The following PHLDA2 variants were observed in gnomAD, a reference collection of about 807,000 sequenced individuals.
The protein encoded by PHLDA2 is pleckstrin homology-like domain family A member 2.
PHLDA2 carries 5 observed loss-of-function variants against 5.9 expected under a neutral mutation model. That is an observed-to-expected ratio of 0.85 (90% CI 0.44 to 1.78). PHLDA2 has a LOEUF of 1.78. Ranked by LOEUF, PHLDA2 falls within the 40% of genes most tolerant of loss-of-function variation. PHLDA2 has a pLI of 0.02. For synonymous variants in PHLDA2, 111 were observed against 102.7 expected, an observed-to-expected ratio of 1.08 and a Z score of -0.49; for missense variants, 216 against 228.3, an observed-to-expected ratio of 0.95 and a Z score of 0.35.
chr11:2,928,854 T>G, intron 1 of PHLDA2, 42 bp downstream of exon 1: 3 of 1,274,450 alleles, frequency 2.4e-6, no homozygotes, highest in Non-Finnish European at 3.0e-6. Flanking sequence ...CGGTCCCGGC[T>G]GTTAGGGCGC....
chr11:2,929,307 G>T lies in PHLDA2; in HGVS notation c.58C>A (p.Leu20Ile). The change falls in exon 1 of 2, where the codon CTC becomes ATC. Residue 20 changes from leucine (L) to isoleucine (I), a missense_variant. By Grantham distance (5) the Leu-to-Ile change is conservative. Coordinates refer to ENST00000314222, the MANE Select transcript of PHLDA2 (RefSeq NM_003311.4). The surrounding 1 kb of genome is among the most constrained non-coding windows in gnomAD (Gnocchi z 8.3). ...EGELEKRSDSLFQLWKKKRGV... is the reference protein window; with the variant it reads ...EGELEKRSDSIFQLWKKKRGV... ...CGCTTCTTCTTCCATAGCTGGAAGA[G>T]GCTGTCGCTGCGCTTCTCCAACTCG... The T allele has an allele frequency of 9.3e-6, 15 of 1,609,958 alleles. No individual in the cohort carries two copies. Among genetic ancestry groups the T allele is most frequent in the Non-Finnish European group, 1.2e-5 (14 of 1,178,994 alleles).
At position 2,929,350 on chromosome 11, in the gene PHLDA2, G is replaced by A. The variant is rs1427889475; in HGVS notation, c.15C>T (p.Asp5=). 1 of 1,606,024 alleles carries A rather than the reference G, an allele frequency of 6.2e-7. No homozygotes were observed. Among genetic ancestry groups the A allele is most frequent in the Middle Eastern group, 1.7e-4 (1 of 5,976 alleles). The change falls in exon 1 of 2, where the codon GAC becomes GAT. Residue 5 remains aspartate (D), a synonymous_variant. Coordinates refer to ENST00000314222, the MANE Select transcript of PHLDA2 (RefSeq NM_003311.4). The surrounding 1 kb of genome is among the most constrained non-coding windows in gnomAD (Gnocchi z 8.3). ...CCAACTCGCCCTCGCGTAGCACCTC[G>A]TCGGGGGATTTCATGTCGTGCCGAG... MKSP[D]EVLREGELEK...
Position 2,929,379 on chromosome 11 carries a change from G to A in PHLDA2, c.-15C>T, listed in dbSNP as rs746116745. ...GGGGATTTCATGTCGTGCCGAGCGC[G>A]GGACTGGGAGCGGCAATGCGGGCGG... On this transcript the variant is annotated 5_prime_UTR_variant, in exon 1 of 2. Transcript: ENST00000314222. The surrounding 1 kb of genome is among the most constrained non-coding windows in gnomAD (Gnocchi z 8.3). The A allele has an allele frequency of 1.9e-6, 3 of 1,584,360 alleles. No individual in the cohort carries two copies. The highest frequency in any genetic ancestry group is 1.1e-5 in the South Asian group (1 of 88,446).
chr11:2,929,169 T>G lies in PHLDA2; in HGVS notation c.196A>C (p.Lys66Gln), dbSNP rs1850480617. The G allele has an allele frequency of 6.2e-7, 1 of 1,612,950 alleles. No individual in the cohort carries two copies. Reference protein sequence around the residue: ...LKVDCVERTGKYVYFTIVTTD... With the variant: ...LKVDCVERTGQYVYFTIVTTD... ...GTGACGATGGTGAAGTACACGTACT[T>G]GCCCGTGCGCTCCACGCAGTCCACC... Residue 66 changes from lysine to glutamine, a missense_variant, in exon 1 of 2, where the codon AAG (lysine) becomes CAG (glutamine). By Grantham distance (53) the Lys-to-Gln change is moderately conservative (BLOSUM62 1). Coordinates refer to ENST00000314222, the MANE Select transcript of PHLDA2 (RefSeq NM_003311.4). This position sits in a 1 kb window ranked among gnomAD's most constrained non-coding sequence, Gnocchi z 8.3.
chr11:2,928,981 A>G lies in PHLDA2; in HGVS notation c.384T>C (p.Ala128=), dbSNP rs572493288. ...GCTCGGAGGGTGCGGCGGCCGCGGC[A>G]GCCACGGCGTCCTCGGCGGGTGCGG... ...APAAPAEDAV[A]AAAAAPSEPS... is the part of the protein sequence containing the mutation. Residue 128 remains alanine, a synonymous_variant, in exon 1 of 2, where the codon GCT becomes GCC. Transcript: ENST00000314222. 7.1e-6 allele frequency: 11 copies of G among 1,540,514 alleles called. No individual in the cohort carries two copies. The East Asian group carries it at 2.4e-4, about 34-fold the overall frequency.
At position 2,929,365 on chromosome 11, in the gene PHLDA2, G is replaced by C; in HGVS notation, c.-1C>G. The C allele has an allele frequency of 6.2e-7, 1 of 1,600,700 alleles. No homozygotes were observed. Among genetic ancestry groups the C allele is most frequent in the South Asian group, 1.1e-5 (1 of 89,664 alleles). The stretch of plus-strand genomic sequence containing the variant: ...GTAGCACCTCGTCGGGGGATTTCAT[G>C]TCGTGCCGAGCGCGGGACTGGGAGC... On this transcript the variant is annotated 5_prime_UTR_variant, in exon 1 of 2. Transcript: ENST00000314222. This position sits in a 1 kb window ranked among gnomAD's most constrained non-coding sequence, Gnocchi z 8.3.
chr11:2,929,002 T>A lies in PHLDA2; in HGVS notation c.363A>T (p.Ala121=). Residue 121 remains alanine, a synonymous_variant, in exon 1 of 2, where the codon GCA becomes GCT. Transcript: ENST00000314222. The surrounding 1 kb of genome is among the most constrained non-coding windows in gnomAD (Gnocchi z 8.3). ...RSRQERTAPA[A]PAEDAVAAAA... ...CGGCAGCCACGGCGTCCTCGGCGGG[T>A]GCGGCGGGTGCGGTGCGTTCCTGGC... is the stretch of plus-strand genomic sequence containing the variant. 1.3e-6 allele frequency: 2 copies of A among 1,485,642 alleles called. No individual in the cohort carries two copies. The highest frequency in any genetic ancestry group is 1.8e-6 in the Non-Finnish European group (2 of 1,123,984). The allele number at this position is 1,485,642 out of a possible 1,614,324, so 92.0% of individuals were successfully genotyped here. A position where few individuals can be genotyped will look rare whatever the true frequency, so the allele number is the denominator to read the frequency against.
intron 1 of PHLDA2, 22 bp from the exon 2 acceptor site, chr11:2,928,689 A>T: frequency 2.1e-6 from 1 of 475,148 alleles, no homozygotes; most frequent in Non-Finnish European, 3.6e-6. Context: ...GGACTGGGTC[A>T]GAGAGCTGTG....
In PHLDA2 at chr11:2,929,045, A is replaced by C. The variant is rs1001765868; in HGVS notation, c.320T>G (p.Leu107Arg). ...TTCCTGGCGGCTGCGAAAGTCCTGC[A>C]GGGCGCGGCGGTTCTGGAAATCGAT... ...ALIDFQNRRA[L>R]QDFRSRQERT... The change falls in exon 1 of 2, where the codon CTG becomes CGG. Residue 107 changes from leucine to arginine, a missense_variant. Physicochemically the swap from Leu to Arg is moderately radical, Grantham distance 102. Transcript: ENST00000314222. The surrounding 1 kb of genome is among the most constrained non-coding windows in gnomAD (Gnocchi z 8.3). The C allele has an allele frequency of 1.9e-6, 3 of 1,604,558 alleles. No homozygotes were observed. The highest frequency in any genetic ancestry group is 2.5e-6 in the Non-Finnish European group (3 of 1,178,450).
Position 2,928,899 on chromosome 11 carries a change from G to C in PHLDA2, c.*7C>G. 1 of 1,358,088 alleles carries C rather than the reference G, an allele frequency of 7.4e-7. No homozygotes were observed. The highest frequency in any genetic ancestry group is 3.1e-5 in the East Asian group (1 of 32,514). The allele number at this position is 1,358,088 out of a possible 1,614,324, so 84.1% of individuals were successfully genotyped here. ...CGGGACGCGGGCAGTCACTCACCGC[G>C]GCGGGCTCATGGCGTGCGGGGTTTG... On this transcript the variant is annotated 3_prime_UTR_variant, in exon 1 of 2. Coordinates refer to ENST00000314222, the MANE Select transcript of PHLDA2 (RefSeq NM_003311.4).
Position 2,928,665 on chromosome 11 carries a change from G to C in PHLDA2, c.*13C>G. The C allele has an allele frequency of 2.2e-6, 1 of 458,272 alleles. No individual in the cohort carries two copies. Among genetic ancestry groups the C allele is most frequent in the South Asian group, 5.2e-5 (1 of 19,206 alleles). The allele number at this position is 458,272 out of a possible 1,614,324, so 28.4% of individuals were successfully genotyped here. A position where few individuals can be genotyped will look rare whatever the true frequency, so the allele number is the denominator to read the frequency against. The stretch of plus-strand genomic sequence containing the variant: ...CTCGGTCCGACTCGTCCAGCGTATG[G>C]CCCTGTGGGGAAAGGACTGGGTCAG... On this transcript the variant is annotated splice_region_variant and 3_prime_UTR_variant, in exon 2 of 2. Coordinates refer to ENST00000314222, the MANE Select transcript of PHLDA2 (RefSeq NM_003311.4).
chr11:2,928,683 T>C lies in PHLDA2; in HGVS notation c.*11-16A>G, dbSNP rs1218289147. The C allele has an allele frequency of 2.1e-6, 1 of 467,380 alleles. No homozygotes were observed. Among genetic ancestry groups the C allele is most frequent in the Non-Finnish European group, 3.7e-6 (1 of 270,994 alleles). 29.0% of individuals were successfully genotyped at this position (467,380 alleles called of 1,614,324 possible). A position where few individuals can be genotyped will look rare whatever the true frequency, so the allele number is the denominator to read the frequency against. ...GCGTATGGCCCTGTGGGGAAAGGAC[T>C]GGGTCAGAGAGCTGTGCCAGGGCCG... is the stretch of plus-strand genomic sequence containing the variant. On this transcript the variant is annotated splice_polypyrimidine_tract_variant and intron_variant, in intron 1 of 1. Transcript: ENST00000314222.
In PHLDA2 at chr11:2,929,395, A is replaced by G. The variant is rs750052873; in HGVS notation, c.-31T>C. ...GCCGAGCGCGGGACTGGGAGCGGCAATGCGGGCGGTGACGGCGCCGGCTCT... is the reference window on the plus strand; with the variant it reads ...GCCGAGCGCGGGACTGGGAGCGGCAGTGCGGGCGGTGACGGCGCCGGCTCT... On this transcript the variant is annotated 5_prime_UTR_variant, in exon 1 of 2. Coordinates refer to ENST00000314222, the MANE Select transcript of PHLDA2 (RefSeq NM_003311.4). This position sits in a 1 kb window ranked among gnomAD's most constrained non-coding sequence, Gnocchi z 8.3. 3.7e-5 allele frequency: 58 copies of G among 1,547,902 alleles called. No homozygotes were observed. The highest frequency in any genetic ancestry group is 1.8e-5 in the Admixed American group (1 of 54,818).
Position 2,929,238 on chromosome 11 carries a change from G to A in PHLDA2, c.127C>T (p.Pro43Ser), listed in dbSNP as rs751202330. ...CGCAGCTCCTTGGGGCGCGCGCGGG[G>A]GCTGGCGGGGAACAGGCTCAGGCGG... ...SDRLSLFPAS[P>S]RARPKELRFH... The change falls in exon 1 of 2, where the codon CCC (proline) becomes TCC (serine). Residue 43 changes from proline to serine, a missense_variant. Physicochemically the swap from Pro to Ser is moderately conservative, Grantham distance 74. Transcript: ENST00000314222. The surrounding 1 kb of genome is among the most constrained non-coding windows in gnomAD (Gnocchi z 8.3). The A allele has an allele frequency of 6.2e-7, 1 of 1,612,014 alleles. No individual in the cohort carries two copies. The highest frequency in any genetic ancestry group is 1.3e-5 in the African/African-American group (1 of 74,854).
chr11:2,928,754 C>T, intron 1 of PHLDA2, 87 bp from the exon 2 acceptor site: 1 of 628,080 alleles, frequency 1.6e-6, no homozygotes, highest in Non-Finnish European at 2.5e-6. Context: ...CGCGAGGGGG[C>T]CAGCGCGATT....
At chr11:2,928,808 GC>G (rs1435102479) in intron 1 of PHLDA2, 87 bp downstream of exon 1, 35 of 975,562 alleles carry the variant, frequency 3.6e-5, no homozygotes, top group Non-Finnish European at 4.6e-5. Flanking sequence ...CCCCCGCCCC[GC>G]CGTCTGGGGT....
In PHLDA2 at chr11:2,929,414, C is replaced by A. The variant is rs752145648; in HGVS notation, c.-50G>T. Reference sequence around the variant, plus strand: ...GCGGCAATGCGGGCGGTGACGGCGCCGGCTCTGCTCCTCGTGGCCCCGGCG... The same window carrying A: ...GCGGCAATGCGGGCGGTGACGGCGCAGGCTCTGCTCCTCGTGGCCCCGGCG... On this transcript the variant is annotated 5_prime_UTR_variant, in exon 1 of 2. Transcript: ENST00000314222. The surrounding 1 kb of genome is among the most constrained non-coding windows in gnomAD (Gnocchi z 8.3). The A allele has an allele frequency of 7.0e-7, 1 of 1,420,446 alleles. No individual in the cohort carries two copies. Among genetic ancestry groups the A allele is most frequent in the South Asian group, 1.2e-5 (1 of 81,502 alleles). The allele number at this position is 1,420,446 out of a possible 1,614,324, so 88.0% of individuals were successfully genotyped here.
chr11:2,928,733 C>T, intron 1 of PHLDA2, 66 bp from the exon 2 acceptor site: 1 of 551,094 alleles, frequency 1.8e-6, no homozygotes, highest in Non-Finnish European at 3.0e-6. Context: ...TGAGGGGCCC[C>T]GAGACCCTGA....
Position 2,929,161 on chromosome 11 carries a change from C to T in PHLDA2, c.204G>A (p.Val68=), listed in dbSNP as rs1850480413. ...GGTCGGTGGTGACGATGGTGAAGTA[C>T]ACGTACTTGCCCGTGCGCTCCACGC... ...VDCVERTGKY[V]YFTIVTTDHK... is the part of the protein sequence containing the mutation. Residue 68 remains valine, a synonymous_variant, in exon 1 of 2, where the codon GTG becomes GTA. Transcript: ENST00000314222. The surrounding 1 kb of genome is among the most constrained non-coding windows in gnomAD (Gnocchi z 8.3). The T allele has an allele frequency of 2.5e-6, 4 of 1,612,852 alleles. No individual in the cohort carries two copies. The South Asian group carries it at 4.4e-5, about 18-fold the overall frequency.
Sources: gnomAD v4.1 joint callset for allele counts on GRCh38, gnomAD v4.1.1 for gene constraint, Gnocchi (gnomAD v3.1) non-coding constraint, MANE v1.5 for transcripts, NCBI Gene and HGNC (gene_info 2026-07-23, HGNC 2026-07-21) for gene names.